CEP290: variants seen among roughly 807,000 people sequenced by gnomAD.
The protein encoded by CEP290 is centrosomal protein of 290 kDa.
A neutral mutation model predicts 344.9 loss-of-function variants in CEP290; 317 were observed. That is an observed-to-expected ratio of 0.92 (90% CI 0.84 to 1.01). The LOEUF is 1.01. Ranked by LOEUF, CEP290 falls within the 50% of genes least tolerant of loss-of-function variation. The pLI is 0.00. For synonymous variants in CEP290, 932 were observed against 895.8 expected, an observed-to-expected ratio of 1.04 and a Z score of -0.72; for missense variants, 2,754 against 2,761.4, an observed-to-expected ratio of 1.00 and a Z score of 0.06.
chr12:88,094,987 A>C (rs1042933026), intron 27 of CEP290, among the ~76,000 whole-genome samples: 1 of 152,156 alleles, frequency 6.6e-6, no homozygotes, highest in Non-Finnish European at 1.5e-5. Context: ...TTTATCTTTA[A>C]AATGTATTAT....
intron 7 of CEP290, among the ~76,000 whole-genome samples, chr12:88,130,841 C>CA (rs1191092831): frequency 6.6e-6 from 1 of 151,756 alleles, no homozygotes; most frequent in Non-Finnish European, 1.5e-5. Flanking sequence ...CCACAAGTAA[C>CA]AAAAAATTTT....
chr12:88,093,117 T>C (rs1179420975), intron 28 of CEP290, among the ~76,000 whole-genome samples: 1 of 152,158 alleles, frequency 6.6e-6, no homozygotes, highest in Non-Finnish European at 1.5e-5. Context: ...TTGCTTAGAA[T>C]GCAATCTGCT....
chr12:88,055,576 C>A lies in CEP290; in HGVS notation c.6960G>T (p.Gln2320His). 1 of 1,569,232 alleles carries A rather than the reference C, an allele frequency of 6.4e-7. No homozygotes were observed. Among genetic ancestry groups the A allele is most frequent in the Non-Finnish European group, 8.6e-7 (1 of 1,158,806 alleles). The change falls in exon 50 of 54, where the codon CAG (glutamine) becomes CAT (histidine). Residue 2320 changes from glutamine to histidine, a missense_variant and splice_region_variant. Gln to His is a conservative substitution (Grantham distance 24). Coordinates refer to ENST00000552810, the MANE Select transcript of CEP290 (RefSeq NM_025114.4). ...VNKYNEDLEQ[Q>H]IKILKHVPEG... Reference sequence around the variant, plus strand: ...TGTAAAGAAAAATTACGTTACTTACCTGTTGTTCAAGGTCTTCATTGTATT... The same window carrying A: ...TGTAAAGAAAAATTACGTTACTTACATGTTGTTCAAGGTCTTCATTGTATT...
intron 22 of CEP290, 150 bp from the exon 23 acceptor site, chr12:88,109,331 T>G: frequency 4.3e-6 from 2 of 468,162 alleles, no homozygotes; most frequent in Non-Finnish European, 7.5e-6. Context: ...TCCATGATAT[T>G]TTGAACACTT....
At chr12:88,104,591 TAAA>T (rs200937246) in intron 25 of CEP290, among the ~76,000 whole-genome samples, 1 of 151,334 alleles carries the variant, frequency 6.6e-6, no homozygotes, top group African/African-American at 2.4e-5. Flanking sequence ...ATCCCTAAAA[TAAA>T]AAAAATGAAA....
intron 7 of CEP290, 95 bp downstream of exon 7, chr12:88,131,070 C>T: frequency 1.0e-6 from 1 of 966,110 alleles, no homozygotes; most frequent in Non-Finnish European, 1.5e-6. Context: ...ACTTAGAAGA[C>T]TCCAGTCCTG....
intron 30 of CEP290, 90 bp from the exon 31 acceptor site, chr12:88,089,577 A>G (rs2036861996): frequency 9.8e-7 from 1 of 1,016,942 alleles, no homozygotes; most frequent in Non-Finnish European, 1.4e-6. Context: ...TTTACTAAGC[A>G]AAGTTTTAAC....
In CEP290 at chr12:88,131,228, T is replaced by TAA. The variant is rs199511358; in HGVS notation, c.442-12_442-11dup. On this transcript the variant is annotated splice_polypyrimidine_tract_variant and intron_variant, in intron 6 of 53. Coordinates refer to ENST00000552810, the MANE Select transcript of CEP290 (RefSeq NM_025114.4). Reference sequence around the variant, plus strand: ...CATTTCGAAGAGCCAACTAAAATAGTAAAAAAAAAAAATAAATAAGAAGAA... The same window carrying TAA: ...CATTTCGAAGAGCCAACTAAAATAGTAAAAAAAAAAAAAATAAATAAGAAGAA... 1.8e-4 allele frequency: 202 copies of TAA among 1,122,806 alleles called. No individual in the cohort carries two copies. The highest frequency in any genetic ancestry group is 1.7e-3 in the East Asian group (51 of 30,192). The allele number at this position is 1,122,806 out of a possible 1,614,324, so 69.6% of individuals were successfully genotyped here. A position where few individuals can be genotyped will look rare whatever the true frequency, so the allele number is the denominator to read the frequency against.
intron 45 of CEP290, 60 bp downstream of exon 45, chr12:88,063,921 A>C (rs1592753348): frequency 1.4e-6 from 2 of 1,400,182 alleles, no homozygotes; most frequent in Non-Finnish European, 1.9e-6. Context: ...AAAAGTAAAC[A>C]TAACAACTAA....
At chr12:88,115,557 G>T (rs1003042553) in intron 18 of CEP290, 17 of 1,290,294 alleles carry the variant, frequency 1.3e-5, no homozygotes, top group Non-Finnish European at 1.7e-5. Flanking sequence ...GAATTCCTGT[G>T]CTATGATTTC....
rs576251157 is a variant in CEP290, at chr12:88,064,111, G to A, written c.6140C>T (p.Ser2047Leu). Residue 2047 changes from serine to leucine, a missense_variant, in exon 45 of 54, where the codon TCA becomes TTA. Ser to Leu is a moderately radical substitution (Grantham distance 145, BLOSUM62 -2). Transcript: ENST00000552810. ...ACAATGATCATCTGACTCTATTCCT[G>A]AAATCTTCAGGGAAATGAAATTAGG... ...SKDTYSKPSI[S>L]GIESDDHCQR... 2 of 1,554,884 alleles carry A rather than the reference G, an allele frequency of 1.3e-6. No individual in the cohort carries two copies. Among genetic ancestry groups the A allele is most frequent in the African/African-American group, 2.7e-5 (2 of 73,040 alleles).
intron 13 of CEP290, among the ~76,000 whole-genome samples, chr12:88,123,583 A>G (rs1383253874): frequency 6.6e-6 from 1 of 151,984 alleles, no homozygotes; most frequent in Admixed American, 6.6e-5. Context: ...TTTCCTTTTC[A>G]GTCTCCTTTG....
intron 47 of CEP290, among the ~76,000 whole-genome samples, chr12:88,060,579 GAC>G (rs1245168097): frequency 6.6e-6 from 1 of 151,756 alleles, no homozygotes; most frequent in African/African-American, 2.4e-5. Flanking sequence ...AAAAAAGAGA[GAC>G]ACAGGTAATT....
rs879405859 is a variant in CEP290, at chr12:88,139,210, AG to A, written c.251-20del. On this transcript the variant is annotated intron_variant, in intron 4 of 53. Transcript: ENST00000552810. ...TGATTTTCTATTTTTTTAAAAAAAA[AG>A]AAAAACGTTTTAATTGATTAGTTAC... is the stretch of plus-strand genomic sequence containing the variant. The A allele has an allele frequency of 1.9e-6, 2 of 1,052,324 alleles. No individual in the cohort carries two copies. Among genetic ancestry groups the A allele is most frequent in the African/African-American group, 1.6e-5 (1 of 60,698 alleles). The allele number at this position is 1,052,324 out of a possible 1,614,324, so 65.2% of individuals were successfully genotyped here.
Position 88,129,680 on chromosome 12 carries a change from A to AAAGTAATTC in CEP290, c.852+5_852+13dup. 7.6e-7 allele frequency: 1 copy of AAAGTAATTC among 1,322,600 alleles called. No homozygotes were observed. Among genetic ancestry groups the AAAGTAATTC allele is most frequent in the Non-Finnish European group, 1.0e-6 (1 of 967,812 alleles). 81.9% of individuals were successfully genotyped at this position (1,322,600 alleles called of 1,614,324 possible). A position where few individuals can be genotyped will look rare whatever the true frequency, so the allele number is the denominator to read the frequency against. ...AAGTCTGAATAAATAAGTTATTCTAAAAGTAATTCTTACTTGAAGTTGATA... is the reference window on the plus strand; with the variant it reads ...AAGTCTGAATAAATAAGTTATTCTAAAAGTAATTCAAGTAATTCTTACTTGAAGTTGATA... On this transcript the variant is annotated intron_variant, in intron 10 of 53. Transcript: ENST00000552810.
rs776360559 is a variant in CEP290, at chr12:88,106,876, C to T, written c.2616G>A (p.Ser872=). ...CTGCAAGTATTTTTTTCATTTCATC[C>T]GAATCCATCTGAAGAGCATTGAGCA... ...NNLLNALQMD[S]DEMKKILAEN... is the part of the protein sequence containing the mutation. The change falls in exon 25 of 54, where the codon TCG becomes TCA. Residue 872 remains serine (S), a synonymous_variant. Transcript: ENST00000552810. 3.3e-5 allele frequency: 53 copies of T among 1,606,278 alleles called. No homozygotes were observed. Among genetic ancestry groups the T allele is most frequent in the South Asian group, 8.9e-5 (8 of 89,816 alleles).
chr12:88,110,759 C>T (rs2137697219), intron 22 of CEP290, among the ~76,000 whole-genome samples: 1 of 152,244 alleles, frequency 6.6e-6, no homozygotes, highest in East Asian at 1.9e-4. Flanking sequence ...ACAATTCTAT[C>T]ATGACACTAA....
Position 88,084,743 on chromosome 12 carries a change from T to C in CEP290, c.4547A>G (p.Glu1516Gly), listed in dbSNP as rs367941106. 2.5e-6 allele frequency: 4 copies of C among 1,613,758 alleles called. No homozygotes were observed. Among genetic ancestry groups the C allele is most frequent in the African/African-American group, 2.7e-5 (2 of 75,058 alleles). Residue 1516 changes from glutamate (E) to glycine (G), a missense_variant, in exon 35 of 54, where the codon GAA becomes GGA. By Grantham distance (98) the Glu-to-Gly change is moderately conservative. Coordinates refer to ENST00000552810, the MANE Select transcript of CEP290 (RefSeq NM_025114.4). ...TCTGCCTAGCTCAGCTATGAGCTTT[T>C]CTCTTTCTGCAGTGGCAGGCAATCG... ...RLRLPATAER[E>G]KLIAELGRKE... is the part of the protein sequence containing the mutation.
At chr12:88,053,942 T>A (rs955651633) in intron 51 of CEP290, among the ~76,000 whole-genome samples, 196 bp from the exon 52 acceptor site, 1 of 152,166 alleles carries the variant, frequency 6.6e-6, no homozygotes, top group Non-Finnish European at 1.5e-5. Context: ...CACGTTTTTC[T>A]TAATATCTGA....
Sources: gnomAD v4.1 joint callset for allele counts (sites outside exome capture counted in the v4.1 genomes callset) on GRCh38, gnomAD v4.1.1 for gene constraint, MANE v1.5 for transcripts, NCBI Gene and HGNC (gene_info 2026-07-23, HGNC 2026-07-21) for gene names.